The following BTG4 variants were observed in gnomAD, a reference collection of about 807,000 sequenced individuals.
BTG4 encodes protein BTG4.
BTG4 carries 10 observed loss-of-function variants against 19.3 expected under a neutral mutation model. That is an observed-to-expected ratio of 0.52 (90% CI 0.32 to 0.88). The LOEUF (loss-of-function observed/expected upper bound fraction) is 0.88, where lower values mean the gene tolerates loss of function less well. Ranked by LOEUF, BTG4 falls within the 40% of genes least tolerant of loss-of-function variation. The probability of loss-of-function intolerance (pLI) is 0.04; values close to 1 mark genes in which losing one functional copy is unlikely to be tolerated. For missense variants in BTG4, 238 were observed against 281.9 expected (o/e 0.84, Z 1.11); for synonymous variants, 91 against 95.7 (o/e 0.95, Z 0.29).
At chr11:111,487,724 C>T (rs1865152082) in intron 5 of BTG4, among the ~76,000 whole-genome samples, 1 of 152,086 alleles carries the variant, frequency 6.6e-6, no homozygotes, top group Non-Finnish European at 1.5e-5. Flanking sequence ...AGACTCCACA[C>T]CAAAAATCTA....
chr11:111,482,328 C>T (rs1864790926), intron 5 of BTG4, among the ~76,000 whole-genome samples: 1 of 152,084 alleles, frequency 6.6e-6, no homozygotes, highest in Admixed American at 6.6e-5. Flanking sequence ...AATGGAGAAA[C>T]ATATTGTGTT....
chr11:111,398,537 T>C, the BTG4 span, among the ~76,000 whole-genome samples: 1 of 152,136 alleles, frequency 6.6e-6, no homozygotes, highest in African/African-American at 2.4e-5. Context: ...CACTGCATGC[T>C]CTGCCTCCTG....
the BTG4 span, among the ~76,000 whole-genome samples, chr11:111,440,692 G>C: frequency 6.6e-6 from 1 of 152,238 alleles, no homozygotes; most frequent in Non-Finnish European, 1.5e-5. Context: ...TTAGATGGGA[G>C]ATAAGGAAGC....
chr11:111,413,475 CCCTCACATTCATTATCT>C, the BTG4 span, among the ~76,000 whole-genome samples: 3 of 152,238 alleles, frequency 2.0e-5, no homozygotes, highest in Non-Finnish European at 4.4e-5. Flanking sequence ...GTGATAGGTG[CCCTCACATTCATTATCT>C]CCTGGGATCC....
the BTG4 span, among the ~76,000 whole-genome samples, chr11:111,395,291 C>T: frequency 6.6e-6 from 1 of 152,224 alleles, no homozygotes; most frequent in Admixed American, 6.5e-5. Flanking sequence ...TCCACAGCCC[C>T]GGTGGACTGT....
chr11:111,458,349 C>A, the BTG4 span: 5 of 152,454 alleles, frequency 3.3e-5, no homozygotes, highest in South Asian at 6.2e-4. Flanking sequence ...TGGCCATGCA[C>A]ATGCGTGACC....
chr11:111,503,132 TACA>T (rs2135710855), intron 1 of BTG4, among the ~76,000 whole-genome samples: 1 of 152,236 alleles, frequency 6.6e-6, no homozygotes, highest in Non-Finnish European at 1.5e-5. Context: ...GGAAACCAAA[TACA>T]TACACAAGTG....
the BTG4 span, chr11:111,396,792 G>A: frequency 6.6e-6 from 1 of 152,188 alleles, no homozygotes; most frequent in African/African-American, 2.4e-5. Flanking sequence ...AATCTTCAAT[G>A]AACAGTTAAG....
chr11:111,494,771 A>C, downstream of BTG4: 1 of 621,594 alleles, frequency 1.6e-6, no homozygotes, highest in Non-Finnish European at 2.0e-6. Flanking sequence ...TACAAAAAAT[A>C]AACTTTTAAA....
At chr11:111,512,727 C>G (rs1867039600), upstream of BTG4, among the ~76,000 whole-genome samples, 1 of 152,072 alleles carries the variant, frequency 6.6e-6, no homozygotes, top group Non-Finnish European at 1.5e-5. Flanking sequence ...TGGGAGGGCG[C>G]GGGTCCTCCC....
At chr11:111,457,569 C>A in the BTG4 span, among the ~76,000 whole-genome samples, 4 of 152,134 alleles carry the variant, frequency 2.6e-5, no homozygotes, top group African/African-American at 7.2e-5. Flanking sequence ...TACCCCCAAC[C>A]TTCCCTCTCC....
intron 5 of BTG4, among the ~76,000 whole-genome samples, chr11:111,488,126 A>T (rs1467704261): frequency 6.6e-6 from 1 of 152,166 alleles, no homozygotes; most frequent in Non-Finnish European, 1.5e-5. Context: ...TGGAATCACA[A>T]ATGACCCAGA....
At chr11:111,467,730 T>C in intron 5 of BTG4, 1 of 738,726 alleles carries the variant, frequency 1.4e-6, no homozygotes, top group Non-Finnish European at 2.5e-6. Context: ...AATTTTATAA[T>C]TTTTTCCTAA....
At chr11:111,490,593 GA>G (rs1468942701), downstream of BTG4, among the ~76,000 whole-genome samples, 2 of 152,178 alleles carry the variant, frequency 1.3e-5, no homozygotes, top group Non-Finnish European at 2.9e-5. Context: ...CACTCAATTA[GA>G]AAATGGCCAG....
chr11:111,425,402 C>T, the BTG4 span, among the ~76,000 whole-genome samples: 4 of 151,920 alleles, frequency 2.6e-5, no homozygotes, highest in African/African-American at 2.4e-5. Flanking sequence ...AGGATACAGT[C>T]GAAAAAGAAG....
At chr11:111,460,931 CCT>C in the BTG4 span, among the ~76,000 whole-genome samples, 39 of 152,290 alleles carry the variant, frequency 2.6e-4, no homozygotes, top group East Asian at 6.4e-3. Flanking sequence ...TACCTCTCCC[CCT>C]GTCTCTCCCA....
the BTG4 span, among the ~76,000 whole-genome samples, chr11:111,459,255 G>T: frequency 6.6e-6 from 1 of 151,554 alleles, no homozygotes; most frequent in Non-Finnish European, 1.5e-5. Flanking sequence ...AAAAAAAATT[G>T]TGCATACTTT....
At chr11:111,458,351 T>C in the BTG4 span, 1 of 152,322 alleles carries the variant, frequency 6.6e-6, no homozygotes, top group African/African-American at 2.4e-5. Flanking sequence ...GCCATGCACA[T>C]GCGTGACCAA....
chr11:111,422,588 G>A, the BTG4 span, among the ~76,000 whole-genome samples: 8 of 152,170 alleles, frequency 5.3e-5, no homozygotes, highest in South Asian at 6.2e-4. Context: ...TTCCCAGACC[G>A]AGCCTGGGCA....
Sources: gnomAD v4.1 joint callset for allele counts (sites outside exome capture counted in the v4.1 genomes callset) on GRCh38, gnomAD v4.1.1 for gene constraint, MANE v1.5 for transcripts, NCBI Gene and HGNC (gene_info 2026-07-23, HGNC 2026-07-21) for gene names.